Variants in NCOR2 observed in about 807,000 individuals in gnomAD.
The protein encoded by NCOR2 is CTG repeat protein 26.
A neutral mutation model predicts 262.9 loss-of-function variants in NCOR2; 81 were observed. The ratio of observed to expected loss-of-function variants is 0.31; its 90% confidence interval spans 0.26 to 0.37. The LOEUF is 0.37. NCOR2 is among the 10% of genes least tolerant of loss of function. The pLI, the probability that NCOR2 is intolerant of heterozygous loss-of-function variation, is 1.00. For missense variants in NCOR2, 3,385 were observed against 3,621.4 expected (o/e 0.93, Z 1.68); for synonymous variants, 1,659 against 1,559.3 (o/e 1.06, Z -1.51).
At position 124,329,307 on chromosome 12, in the gene NCOR2, C is replaced by T. The variant is rs866012722; in HGVS notation, c.6958+1538G>A. ...TGAAACCCCGTCTCTACTAAAAATA[C>T]AAAAATTAGCCAGGTGTAGTGGCGG... On this transcript the variant is annotated intron_variant, in intron 44 of 46. Coordinates refer to ENST00000405201, the Ensembl canonical transcript of NCOR2. 4.3e-5 allele frequency: 15 copies of T among 348,132 alleles called. No homozygotes were observed. The Middle Eastern group carries it at 3.7e-3, about 85-fold the overall frequency. 21.6% of individuals were successfully genotyped at this position (348,132 alleles called of 1,614,324 possible).
At chr12:124,334,373 G>A (rs754646315) in intron 41 of NCOR2, 51 bp downstream of exon 43, 61 of 1,362,906 alleles carry the variant, frequency 4.5e-5, no homozygotes, top group Non-Finnish European at 5.7e-5. Context: ...GGCAGCTGAC[G>A]AAGGCCTCCC....
intron 1 of NCOR2, among the ~76,000 whole-genome samples, chr12:124,558,271 C>CA (rs1024940263): frequency 6.6e-5 from 10 of 151,304 alleles, no homozygotes; most frequent in Admixed American, 2.0e-4. Flanking sequence ...CACCCACCCC[C>CA]CCTCCAGACC....
chr12:124,466,096 G>A (rs1230696029), intron 5 of NCOR2, 77 bp downstream of exon 7: 3 of 1,349,352 alleles, frequency 2.2e-6, no homozygotes, highest in Admixed American at 2.1e-5. Flanking sequence ...AAACACTGAG[G>A]CCTGATTCAT....
intron 15 of NCOR2, 124 bp downstream of exon 17, chr12:124,400,377 A>G (rs1458851114): frequency 7.4e-7 from 1 of 1,351,258 alleles, no homozygotes; most frequent in African/African-American, 1.4e-5. Context: ...TTTGACTCCA[A>G]CCATGACTTA....
chr12:124,403,386 G>A (rs1167435294), intron 13 of NCOR2, among the ~76,000 whole-genome samples: 2 of 151,892 alleles, frequency 1.3e-5, no homozygotes, highest in African/African-American at 2.4e-5. Flanking sequence ...CTGCCTCCCC[G>A]ACCTGTCCCA....
intron 3 of NCOR2, 131 bp from the exon 6 acceptor site, chr12:124,473,262 T>C: frequency 9.1e-7 from 1 of 1,103,564 alleles, no homozygotes; most frequent in Non-Finnish European, 1.3e-6. Flanking sequence ...GGTATGTCTG[T>C]GAGGGTGTTG....
intron 10 of NCOR2, 154 bp downstream of exon 12, chr12:124,429,459 G>A (rs2043791254): frequency 2.7e-6 from 2 of 738,092 alleles, no homozygotes; most frequent in Non-Finnish European, 2.3e-6. Flanking sequence ...CCTGGGACGG[G>A]TACCTCAATA....
At chr12:124,430,703 G>A (rs1321771144) in exon 9 of NCOR2, 6 of 1,614,166 alleles carry the variant, frequency 3.7e-6, no homozygotes, top group Non-Finnish European at 4.2e-6. Flanking sequence ...TCCTTGGCCC[G>A]CCGCCGGGGG....
chr12:124,396,692 G>A (rs1180400854), intron 16 of NCOR2, among the ~76,000 whole-genome samples: 2 of 152,074 alleles, frequency 1.3e-5, no homozygotes, highest in Non-Finnish European at 1.5e-5. Flanking sequence ...AGGGCAGACT[G>A]CCCCCGGAGG....
chr12:124,559,960 T>G (rs907973583), intron 1 of NCOR2, among the ~76,000 whole-genome samples: 2 of 152,216 alleles, frequency 1.3e-5, no homozygotes, highest in African/African-American at 4.8e-5. Flanking sequence ...TCAGGCCAAG[T>G]GCTTGCTGCC....
chr12:124,425,149 CGGA>C (rs1371867920), intron 11 of NCOR2, among the ~76,000 whole-genome samples: 2 of 152,132 alleles, frequency 1.3e-5, no homozygotes, highest in East Asian at 3.9e-4. Context: ...CCGAGACGGG[CGGA>C]TCACGAGGTC....
chr12:124,354,704 G>A (rs1186703293), intron 25 of NCOR2, 122 bp from the exon 28 acceptor site: 1 of 1,298,936 alleles, frequency 7.7e-7, no homozygotes, highest in Admixed American at 2.6e-5. Flanking sequence ...TTCCAGCCAG[G>A]GCTGCTGAGG....
chr12:124,437,829 C>G, intron 8 of NCOR2, 101 bp downstream of exon 10: 1 of 1,149,400 alleles, frequency 8.7e-7, no homozygotes, highest in Non-Finnish European at 1.2e-6. Context: ...AGGGAGGACA[C>G]AGCTGCGGAA....
chr12:124,494,096 G>A (rs1402253543), intron 1 of NCOR2, among the ~76,000 whole-genome samples: 1 of 152,156 alleles, frequency 6.6e-6, no homozygotes. Flanking sequence ...ACTGTGTCAG[G>A]GACTCCCCCA....
In NCOR2 at chr12:124,378,505, G is replaced by A. The variant is rs927737402; in HGVS notation, c.2020-121C>T. On this transcript the variant is annotated intron_variant, in intron 17 of 46. Coordinates refer to ENST00000405201, the Ensembl canonical transcript of NCOR2. This position sits in a 1 kb window ranked among gnomAD's most constrained non-coding sequence, Gnocchi z 4.2. ...GTGATCCCGGCCATGTAGCAATGAG[G>A]GTGACCGTCCCCCTCACACCCCACC... 5 of 1,047,328 alleles carry A rather than the reference G, an allele frequency of 4.8e-6. No homozygotes were observed. The highest frequency in any genetic ancestry group is 1.6e-5 in the African/African-American group (1 of 62,170). The allele number at this position is 1,047,328 out of a possible 1,614,324, so 64.9% of individuals were successfully genotyped here.
intron 37 of NCOR2, among the ~76,000 whole-genome samples, chr12:124,339,459 C>T (rs1277811655): frequency 3.4e-5 from 5 of 146,636 alleles, no homozygotes. Flanking sequence ...CATCTACTTA[C>T]CTACCTAACG....
intron 18 of NCOR2, among the ~76,000 whole-genome samples, chr12:124,375,136 A>G (rs2039886851): frequency 6.6e-6 from 1 of 152,226 alleles, no homozygotes. Context: ...GCCCAAGGCC[A>G]CGCTGTGGAG....
chr12:124,476,481 G>C (rs1054098994), intron 3 of NCOR2, among the ~76,000 whole-genome samples: 1 of 152,194 alleles, frequency 6.6e-6, no homozygotes, highest in South Asian at 2.1e-4. Flanking sequence ...GAAGGGCTAT[G>C]GGGGCCAGGC....
At chr12:124,404,554 G>A (rs2042167701) in intron 13 of NCOR2, among the ~76,000 whole-genome samples, 1 of 152,196 alleles carries the variant, frequency 6.6e-6, no homozygotes, top group African/African-American at 2.4e-5. Context: ...GCTAATGTCT[G>A]CTCCGGCATG....
Sources: gnomAD v4.1 joint callset for allele counts (sites outside exome capture counted in the v4.1 genomes callset) on GRCh38, gnomAD v4.1.1 for gene constraint, Gnocchi (gnomAD v3.1) non-coding constraint, MANE v1.5 for transcripts, NCBI Gene and HGNC (gene_info 2026-07-23, HGNC 2026-07-21) for gene names.